Variants in CTNNA3 observed in about 807,000 individuals in gnomAD.
CTNNA3 encodes catenin alpha-3.
In CTNNA3, 76 loss-of-function variants were observed where a neutral mutation model predicts 95.7. The ratio of observed to expected loss-of-function variants is 0.79; its 90% CI spans 0.66 to 0.96. CTNNA3 has a LOEUF of 0.96. Among genes scored for constraint, CTNNA3 ranks in the 40% least tolerant of loss-of-function variants. CTNNA3 has a pLI of 0.00. For missense variants in CTNNA3, 1,191 were observed against 1,089.8 expected, an observed-to-expected ratio of 1.09 and a Z score of -1.31; for synonymous variants, 431 against 374.4, an observed-to-expected ratio of 1.15 and a Z score of -1.74.
chr10:66,851,109 T>C (rs1471884583), intron 7 of CTNNA3, among the ~76,000 whole-genome samples: 1 of 152,108 alleles, frequency 6.6e-6, no homozygotes, highest in Non-Finnish European at 1.5e-5. Context: ...GCTTGGAAGA[T>C]CCTTTCTGAT....
At chr10:66,902,775 T>C (rs1235012170) in intron 7 of CTNNA3, among the ~76,000 whole-genome samples, 1 of 152,170 alleles carries the variant, frequency 6.6e-6, no homozygotes, top group African/African-American at 2.4e-5. Flanking sequence ...CTAGAAAATC[T>C]AGAAGAAATG....
At chr10:67,062,013 T>C (rs540423641) in intron 7 of CTNNA3, among the ~76,000 whole-genome samples, 25 of 152,224 alleles carry the variant, frequency 1.6e-4, no homozygotes, top group South Asian at 1.0e-3. Context: ...CCCAAAACCA[T>C]AGTATAACCC....
chr10:67,070,454 A>T (rs1213350757), intron 7 of CTNNA3, among the ~76,000 whole-genome samples: 1 of 152,162 alleles, frequency 6.6e-6, no homozygotes, highest in Non-Finnish European at 1.5e-5. Context: ...TGTCCCGATT[A>T]AGAAATCCTT....
intron 14 of CTNNA3, among the ~76,000 whole-genome samples, chr10:66,101,219 A>C (rs1446145291): frequency 6.6e-6 from 1 of 152,204 alleles, no homozygotes; most frequent in Non-Finnish European, 1.5e-5. Flanking sequence ...AACTAAATCC[A>C]GATGCTGTGT....
At chr10:67,253,409 G>A (rs1351578236) in intron 5 of CTNNA3, among the ~76,000 whole-genome samples, 1 of 152,126 alleles carries the variant, frequency 6.6e-6, no homozygotes, top group Non-Finnish European at 1.5e-5. Context: ...TGAAACCTCA[G>A]ATAAAGGGAA....
chr10:66,599,454 GC>G (rs1159868383), intron 10 of CTNNA3, among the ~76,000 whole-genome samples: 1 of 151,852 alleles, frequency 6.6e-6, no homozygotes, highest in Non-Finnish European at 1.5e-5. Context: ...TCAATTTTTG[GC>G]CCATTTCTCC....
intron 5 of CTNNA3, among the ~76,000 whole-genome samples, chr10:67,330,203 A>G (rs1841723054): frequency 6.6e-6 from 1 of 152,184 alleles, no homozygotes; most frequent in African/African-American, 2.4e-5. Flanking sequence ...GACAAGGACA[A>G]TTCATATTGG....
At chr10:66,127,734 G>T (rs2082891544) in intron 13 of CTNNA3, among the ~76,000 whole-genome samples, 1 of 152,104 alleles carries the variant, frequency 6.6e-6, no homozygotes. Flanking sequence ...TATGAATGAA[G>T]ATGTTAATAA....
chr10:67,749,203 A>C (rs1370261697), intron 1 of CTNNA3, among the ~76,000 whole-genome samples: 1 of 152,174 alleles, frequency 6.6e-6, no homozygotes, highest in Non-Finnish European at 1.5e-5. Flanking sequence ...ACTACCACAC[A>C]ATAATAGTGG....
intron 9 of CTNNA3, among the ~76,000 whole-genome samples, chr10:66,665,849 T>C (rs1402105844): frequency 1.3e-5 from 2 of 152,144 alleles, no homozygotes; most frequent in Admixed American, 6.6e-5. Flanking sequence ...TCTCAGAGAT[T>C]ACACTTTCCA....
intron 15 of CTNNA3, among the ~76,000 whole-genome samples, chr10:66,010,185 A>G (rs116385674): frequency 0.013 from 1,928 of 152,306 alleles, 32 homozygotes; most frequent in African/African-American, 0.045. Flanking sequence ...TACTTTCAAC[A>G]TGTTACTATC....
At position 66,766,302 on chromosome 10, in the gene CTNNA3, CA is replaced by C. The variant is rs1198544832; in HGVS notation, c.1242del (p.Tyr414Ter). The C allele has an allele frequency of 6.2e-7, 1 of 1,613,880 alleles. No homozygotes were observed. The highest frequency in any genetic ancestry group is 8.5e-7 in the Non-Finnish European group (1 of 1,179,870). On this transcript the variant is annotated frameshift_variant, in exon 9 of 18. Transcript: ENST00000433211. LOFTEE classifies it high-confidence loss of function. ...CTGGTGTGTTCATGAAATATCGCAG[CA>C]TATTCTTTTATTTCCTTTTCCCGGC... ...KNGREKEIKE[Y>X]AAIFHEHTSR...
intron 11 of CTNNA3, among the ~76,000 whole-genome samples, chr10:66,455,744 T>C (rs2093491151): frequency 6.6e-6 from 1 of 152,196 alleles, no homozygotes; most frequent in African/African-American, 2.4e-5. Flanking sequence ...CATTCTGCGG[T>C]ACACTGACAC....
At chr10:67,418,722 A>G (rs1038338222) in intron 5 of CTNNA3, among the ~76,000 whole-genome samples, 1 of 152,134 alleles carries the variant, frequency 6.6e-6, no homozygotes, top group Non-Finnish European at 1.5e-5. Context: ...AGAAAATTTC[A>G]ATTAGATGGA....
chr10:67,295,446 T>C (rs1364296739), intron 5 of CTNNA3, among the ~76,000 whole-genome samples: 3 of 152,120 alleles, frequency 2.0e-5, no homozygotes, highest in Non-Finnish European at 4.4e-5. Flanking sequence ...TCTAAGTTGC[T>C]TCATTTGAGT....
Position 66,957,431 on chromosome 10 carries a change from T to TATATATATATGC in CTNNA3, c.1048-181919_1048-181908dup, listed in dbSNP as rs1564794015. Reference sequence around the variant, plus strand: ...ATATATATGCATATATATATATGCATATATATATATGCATATATATATATG... The same window carrying TATATATATATGC: ...ATATATATGCATATATATATATGCATATATATATATGCATATATATATGCATATATATATATG... On this transcript the variant is annotated intron_variant, in intron 7 of 17. Transcript: ENST00000433211. Among the ~76,000 whole-genome samples the TATATATATATGC allele has an allele frequency of 1.7e-5, 2 of 118,564 alleles. 1 individual carries two copies. The highest frequency in any genetic ancestry group is 3.5e-5 in the Non-Finnish European group (2 of 56,506). 77.8% of individuals were successfully genotyped at this position (118,564 alleles called of 152,430 possible). A position where few individuals can be genotyped will look rare whatever the true frequency, so the allele number is the denominator to read the frequency against.
At chr10:66,407,389 A>G (rs908049285) in intron 11 of CTNNA3, among the ~76,000 whole-genome samples, 1 of 152,048 alleles carries the variant, frequency 6.6e-6, no homozygotes, top group Non-Finnish European at 1.5e-5. Context: ...TCTGTACAAT[A>G]TCACATACTA....
chr10:66,841,157 T>C (rs1843054215), intron 7 of CTNNA3, among the ~76,000 whole-genome samples: 1 of 152,146 alleles, frequency 6.6e-6, no homozygotes, highest in Non-Finnish European at 1.5e-5. Flanking sequence ...AACCACATAA[T>C]GAAAAAGGTT....
intron 10 of CTNNA3, among the ~76,000 whole-genome samples, chr10:66,564,373 G>A (rs888152105): frequency 6.6e-6 from 1 of 152,256 alleles, no homozygotes; most frequent in South Asian, 2.1e-4. Flanking sequence ...GTGTCATACA[G>A]GTTTCAGCAG....
Sources: allele counts gnomAD v4.1 joint callset (sites outside exome capture counted in the v4.1 genomes callset), GRCh38; gene constraint gnomAD v4.1.1; transcripts MANE v1.5; gene names NCBI Gene and HGNC (gene_info 2026-07-23, HGNC 2026-07-21).